SKIC8: variants seen among roughly 807,000 people sequenced by gnomAD.
The protein encoded by SKIC8 is superkiller complex protein 8.
the SKIC8 span, chr15:78,290,457 C>T: frequency 5.4e-6 from 1 of 184,032 alleles, no homozygotes; most frequent in Non-Finnish European, 1.1e-5. Context: ...CTAATGAAAA[C>T]ATATGTCCAC....
chr15:78,283,333 A>G, the SKIC8 span: 2 of 921,532 alleles, frequency 2.2e-6, no homozygotes, highest in South Asian at 2.0e-5. Context: ...CTTTGCTACA[A>G]TAAATGCTAT....
At chr15:78,292,832 A>C in the SKIC8 span, 1 of 1,603,306 alleles carries the variant, frequency 6.2e-7, no homozygotes, top group African/African-American at 1.3e-5. Flanking sequence ...CAAAGAACAC[A>C]CTTTACCTGG....
the SKIC8 span, chr15:78,289,909 C>T: frequency 6.9e-6 from 11 of 1,600,360 alleles, no homozygotes; most frequent in Admixed American, 3.4e-5. Flanking sequence ...GAAGGGTAAA[C>T]TGAAAGAATC....
the SKIC8 span, chr15:78,292,713 G>T: frequency 1.2e-6 from 2 of 1,614,192 alleles, no homozygotes; most frequent in Non-Finnish European, 1.7e-6. Flanking sequence ...TGGGCAGGGT[G>T]TGGCTGATGT....
At chr15:78,293,234 T>C in the SKIC8 span, 3 of 1,614,098 alleles carry the variant, frequency 1.9e-6, no homozygotes, top group South Asian at 2.2e-5. Flanking sequence ...TCCTTCTTGT[T>C]TGTCCCCCAA....
chr15:78,295,566 C>A, the SKIC8 span: 2 of 1,486,638 alleles, frequency 1.3e-6, no homozygotes, highest in East Asian at 2.3e-5. Context: ...TCTTTAGGAG[C>A]CAGGCAAGAA....
the SKIC8 span, chr15:78,292,849 A>C: frequency 2.5e-6 from 4 of 1,588,580 alleles, no homozygotes; most frequent in Non-Finnish European, 3.4e-6. Flanking sequence ...CTGGCATCTG[A>C]AATTCTGGGT....
chr15:78,292,534 C>G, the SKIC8 span: 1 of 1,576,094 alleles, frequency 6.3e-7, no homozygotes, highest in Non-Finnish European at 8.7e-7. Context: ...AAATTCTGAG[C>G]TGTAAAACAC....
the SKIC8 span, among the ~76,000 whole-genome samples, chr15:78,296,221 C>T: frequency 6.6e-6 from 1 of 151,746 alleles, no homozygotes; most frequent in African/African-American, 2.4e-5. Context: ...TCCTGGCTGA[C>T]ATGGTGAAAC....
At chr15:78,284,959 C>T in the SKIC8 span, 4 of 355,626 alleles carry the variant, frequency 1.1e-5, no homozygotes, top group Non-Finnish European at 2.1e-5. Context: ...GAGAGGGCCC[C>T]AGACACCAGC....
At chr15:78,297,031 C>T in the SKIC8 span, among the ~76,000 whole-genome samples, 1 of 152,196 alleles carries the variant, frequency 6.6e-6, no homozygotes. Flanking sequence ...AAGGCACTTA[C>T]TGAATATACA....
chr15:78,297,376 G>C, the SKIC8 span, among the ~76,000 whole-genome samples: 5 of 152,208 alleles, frequency 3.3e-5, no homozygotes, highest in Non-Finnish European at 7.3e-5. Context: ...AGCATTGTAA[G>C]TATTAATTTG....
the SKIC8 span, among the ~76,000 whole-genome samples, chr15:78,298,117 A>G: frequency 6.6e-6 from 1 of 152,208 alleles, no homozygotes; most frequent in African/African-American, 2.4e-5. Context: ...TGCTCAAGCC[A>G]GTTTGGCTAA....
At chr15:78,289,751 C>T in the SKIC8 span, 2 of 1,590,204 alleles carry the variant, frequency 1.3e-6, no homozygotes, top group African/African-American at 1.3e-5. Flanking sequence ...CACTTTCAGA[C>T]TCCGTGTTGT....
chr15:78,294,766 GTTT>G, the SKIC8 span: 25 of 526,286 alleles, frequency 4.8e-5, no homozygotes, highest in African/African-American at 6.4e-4. Flanking sequence ...GGTTGTTCAG[GTTT>G]TTGTTGTTGT....
At chr15:78,290,230 G>T in the SKIC8 span, 1 of 933,316 alleles carries the variant, frequency 1.1e-6, no homozygotes, top group Non-Finnish European at 1.5e-6. Flanking sequence ...AAATTATGTT[G>T]TAAAGATGCT....
At chr15:78,289,218 C>G in the SKIC8 span, among the ~76,000 whole-genome samples, 1 of 151,932 alleles carries the variant, frequency 6.6e-6, no homozygotes, top group African/African-American at 2.4e-5. Flanking sequence ...AGTTAGAGAC[C>G]AGTCTGGGAA....
chr15:78,293,804 T>A, the SKIC8 span, among the ~76,000 whole-genome samples: 1 of 152,220 alleles, frequency 6.6e-6, no homozygotes, highest in Admixed American at 6.5e-5. Flanking sequence ...AACAATCCTA[T>A]GAAGTGGGTA....
chr15:78,294,950 C>T, the SKIC8 span: 1 of 1,614,176 alleles, frequency 6.2e-7, no homozygotes, highest in Non-Finnish European at 8.5e-7. Flanking sequence ...ACTTACCTTG[C>T]TCTTGTTTGA....
Sources: allele counts gnomAD v4.1 joint callset (sites outside exome capture counted in the v4.1 genomes callset), GRCh38; gene constraint gnomAD v4.1.1; transcripts MANE v1.5; gene names NCBI Gene and HGNC (gene_info 2026-07-23, HGNC 2026-07-21).